PLD5: variants seen among roughly 807,000 people sequenced by gnomAD.
The protein encoded by PLD5 is inactive phospholipase D5.
Under a neutral mutation model 61.1 loss-of-function variants are expected in PLD5, and 36 were observed. That is an observed-to-expected ratio of 0.59 (90% CI 0.45 to 0.78). The LOEUF is 0.78. PLD5 is among the 30% of genes least tolerant of loss of function. The pLI is 0.00. For synonymous variants in PLD5, 243 were observed against 242.8 expected, an observed-to-expected ratio of 1.00 and a Z score of -0.01; for missense variants, 515 against 644.4, an observed-to-expected ratio of 0.80 and a Z score of 2.17.
At chr1:242,194,450 C>T (rs547056882) in intron 5 of PLD5, among the ~76,000 whole-genome samples, 105 of 152,188 alleles carry the variant, frequency 6.9e-4, no homozygotes, top group African/African-American at 2.3e-3. Flanking sequence ...AGTCACTGTA[C>T]GAAAAAGATA....
chr1:242,416,467 A>T (rs1664839868), intron 1 of PLD5, among the ~76,000 whole-genome samples: 1 of 152,146 alleles, frequency 6.6e-6, no homozygotes, highest in Non-Finnish European at 1.5e-5. Flanking sequence ...TGCAAATATA[A>T]CCCTTCCAGA....
At chr1:242,402,440 G>A (rs1264185242) in intron 1 of PLD5, among the ~76,000 whole-genome samples, 2 of 152,188 alleles carry the variant, frequency 1.3e-5, no homozygotes, top group African/African-American at 4.8e-5. Flanking sequence ...TGTCAAGGTA[G>A]CTCTATCTCC....
chr1:242,524,031 G>A, intron 1 of PLD5, 57 bp downstream of exon 1: 1 of 1,483,338 alleles, frequency 6.7e-7, no homozygotes, highest in East Asian at 2.7e-5. Flanking sequence ...CACCACCACG[G>A]GGAGGGTGCA....
chr1:242,225,595 G>A (rs1191876572), intron 4 of PLD5, among the ~76,000 whole-genome samples: 1 of 150,866 alleles, frequency 6.6e-6, no homozygotes, highest in Non-Finnish European at 1.5e-5. Context: ...ACCCATTCAT[G>A]CTGTCATGTG....
chr1:242,215,590 A>G (rs1670133392), intron 5 of PLD5, among the ~76,000 whole-genome samples: 3 of 152,190 alleles, frequency 2.0e-5, no homozygotes, highest in South Asian at 2.1e-4. Flanking sequence ...AATTATTAAC[A>G]TGGGGAAGAA....
At chr1:242,382,871 AG>A (rs1662380099) in intron 1 of PLD5, among the ~76,000 whole-genome samples, 1 of 152,232 alleles carries the variant, frequency 6.6e-6, no homozygotes, top group African/African-American at 2.4e-5. Flanking sequence ...ATATCCAAAA[AG>A]GTTTTACATC....
At chr1:242,182,856 GAATA>G (rs1184426314) in intron 5 of PLD5, among the ~76,000 whole-genome samples, 1 of 151,700 alleles carries the variant, frequency 6.6e-6, no homozygotes, top group Non-Finnish European at 1.5e-5. Flanking sequence ...AAAATAAAAC[GAATA>G]AATAAATAAA....
At chr1:242,341,237 C>A (rs1659814692) in intron 2 of PLD5, among the ~76,000 whole-genome samples, 1 of 150,600 alleles carries the variant, frequency 6.6e-6, no homozygotes, top group Non-Finnish European at 1.5e-5. Flanking sequence ...TCCACTGGAG[C>A]AAGCTGAGTC....
intron 5 of PLD5, among the ~76,000 whole-genome samples, chr1:242,162,376 T>TATCA (rs1665908644): frequency 1.3e-5 from 2 of 152,174 alleles, no homozygotes; most frequent in Admixed American, 1.3e-4. Flanking sequence ...GGTACTAATT[T>TATCA]ATCAGTTGAA....
chr1:242,526,037 C>T (rs541057889), upstream of PLD5, among the ~76,000 whole-genome samples: 1 of 152,262 alleles, frequency 6.6e-6, no homozygotes, highest in South Asian at 2.1e-4. Context: ...ATGTTATTAA[C>T]CCTCCTTTCC....
At chr1:242,373,529 A>G (rs1661770864) in intron 1 of PLD5, among the ~76,000 whole-genome samples, 1 of 152,230 alleles carries the variant, frequency 6.6e-6, no homozygotes, top group Non-Finnish European at 1.5e-5. Flanking sequence ...TATTCACAAT[A>G]GCAGAGACCT....
At chr1:242,437,007 G>C (rs1231098392) in intron 1 of PLD5, among the ~76,000 whole-genome samples, 1 of 152,118 alleles carries the variant, frequency 6.6e-6, no homozygotes, top group Non-Finnish European at 1.5e-5. Flanking sequence ...GGGTATCAGG[G>C]CACCAAACCA....
intron 6 of PLD5, among the ~76,000 whole-genome samples, chr1:242,123,622 AAC>A (rs1220104057): frequency 6.6e-6 from 1 of 152,230 alleles, no homozygotes; most frequent in Non-Finnish European, 1.5e-5. Context: ...GGCAAAAGCC[AAC>A]ACAGACAGGT....
chr1:242,432,487 A>T (rs1665772844), intron 1 of PLD5, among the ~76,000 whole-genome samples: 1 of 151,820 alleles, frequency 6.6e-6, no homozygotes, highest in South Asian at 2.1e-4. Context: ...TCCCTGCTCA[A>T]TGCTCATAAA....
intron 1 of PLD5, among the ~76,000 whole-genome samples, chr1:242,461,175 T>C (rs1357317633): frequency 6.6e-6 from 1 of 152,130 alleles, no homozygotes; most frequent in African/African-American, 2.4e-5. Flanking sequence ...CTGTTCAATA[T>C]CAGCACATAG....
In PLD5 at chr1:242,394,749, CATATATGTGT is replaced by C. The variant is rs1558527008; in HGVS notation, c.190-46517_190-46508del. ...GAACATATATGTGTATATATGTGAA[CATATATGTGT>C]ATATATGTGAATATATATGTGTATA... On this transcript the variant is annotated intron_variant, in intron 1 of 9. Coordinates refer to ENST00000536534, the MANE Select transcript of PLD5 (RefSeq NM_001372062.1). Among the ~76,000 whole-genome samples, 28 of 31,270 alleles carry C rather than the reference CATATATGTGT, an allele frequency of 9.0e-4. 9 individuals carry two copies. The highest frequency in any genetic ancestry group is 1.6e-3 in the African/African-American group (6 of 3,678). The allele number at this position is 31,270 out of a possible 152,430, so 20.5% of individuals were successfully genotyped here. A position where few individuals can be genotyped will look rare whatever the true frequency, so the allele number is the denominator to read the frequency against.
chr1:242,396,845 A>G (rs1288310160), intron 1 of PLD5, among the ~76,000 whole-genome samples: 1 of 151,660 alleles, frequency 6.6e-6, no homozygotes, highest in East Asian at 1.9e-4. Context: ...AAGCCCAGCT[A>G]ATTTTTGTAT....
rs193112798 is a variant in PLD5, at chr1:242,345,590, C to T, written c.326+2516G>A. 1.0e-4 allele frequency: 146 copies of T among 1,403,246 alleles called. No homozygotes were observed. The African/African-American group carries it at 1.9e-3, about 18-fold the overall frequency. The allele number at this position is 1,403,246 out of a possible 1,614,324, so 86.9% of individuals were successfully genotyped here. On this transcript the variant is annotated intron_variant, in intron 2 of 9. Coordinates refer to ENST00000536534, the MANE Select transcript of PLD5 (RefSeq NM_001372062.1). ...TGATTGAGGAACTCCAGAAACGTTG[C>T]ATCCACCTGGAGTACCCTCTGTTGG...
At chr1:242,414,042 A>G (rs1481126096) in intron 1 of PLD5, among the ~76,000 whole-genome samples, 2 of 152,168 alleles carry the variant, frequency 1.3e-5, no homozygotes, top group Non-Finnish European at 2.9e-5. Context: ...CAAGGTTGCA[A>G]GCAGAAGTGT....
Sources: gnomAD v4.1 joint callset for allele counts (sites outside exome capture counted in the v4.1 genomes callset) on GRCh38, gnomAD v4.1.1 for gene constraint, MANE v1.5 for transcripts, NCBI Gene and HGNC (gene_info 2026-07-23, HGNC 2026-07-21) for gene names.